Variants in DSTYK observed in about 807,000 individuals in gnomAD.
DSTYK encodes dual serine/threonine and tyrosine protein kinase, also known as RIP-homologous kinase.
DSTYK carries 34 observed loss-of-function variants against 98.7 expected under a neutral mutation model. The ratio of observed to expected loss-of-function variants is 0.34; its 90% CI spans 0.26 to 0.46. The LOEUF is 0.46. Among genes scored for constraint, DSTYK ranks in the 20% least tolerant of loss-of-function variants. The pLI is 1.00. For synonymous variants in DSTYK, 462 were observed against 457.3 expected (o/e 1.01, Z -0.13); for missense variants, 962 against 1,181.7 (o/e 0.81, Z 2.73).
rs548813385 is a variant in DSTYK at position 205,179,128 on chromosome 1, C to CA, written c.654+8289dup. 6.3e-3 allele frequency among the ~76,000 whole-genome samples: 766 copies of CA among 122,552 alleles called. 2 individuals carry two copies. The highest frequency in any genetic ancestry group is 7.6e-3 in the East Asian group (32 of 4,206). The allele number at this position is 122,552 out of a possible 152,430, so 80.4% of individuals were successfully genotyped here. A position where few individuals can be genotyped will look rare whatever the true frequency, so the allele number is the denominator to read the frequency against. ...TGAGCGACAAAGTGAGATACTGTCT[C>CA]AAAAAAAAAAAAAGACAGGAATTAT... is the stretch of plus-strand genomic sequence containing the variant. On this transcript the variant is annotated intron_variant, in intron 2 of 12. Coordinates refer to ENST00000367162, the MANE Select transcript of DSTYK (RefSeq NM_015375.3).
rs1337306925 is a variant in DSTYK, at chr1:205,162,182, G to T, written c.1672C>A (p.Pro558Thr). 2 of 1,614,190 alleles carry T rather than the reference G, an allele frequency of 1.2e-6. No individual in the cohort carries two copies. The highest frequency in any genetic ancestry group is 1.7e-6 in the Non-Finnish European group (2 of 1,180,014). The stretch of plus-strand genomic sequence containing the variant: ...CTCTTCCATTCCAGAGTGATGGCAG[G>T]TGGGCTCACCCATGTGATGCGCTGG... ...IIQRITWVSP[P>T]AITLEWKRKV... is the part of the protein sequence containing the mutation. Residue 558 changes from proline (P) to threonine (T), a missense_variant, in exon 6 of 13, where the codon CCT becomes ACT. Pro to Thr is a conservative substitution (Grantham distance 38). Coordinates refer to ENST00000367162, the MANE Select transcript of DSTYK (RefSeq NM_015375.3).
Position 205,169,192 on chromosome 1 carries a change from A to G in DSTYK, c.1295T>C (p.Leu432Pro). ...AAACTCCATGTTAGTAGCATCATCC[A>G]GAAGTTCCTCCTTCATGGTATTAAG... ...ETLNTMKEEL[L>P]DDATNMEFKD... Residue 432 changes from leucine to proline, a missense_variant, in exon 3 of 13, where the codon CTG becomes CCG. Leu to Pro is a moderately conservative substitution (Grantham distance 98). Transcript: ENST00000367162. The surrounding 1 kb of genome is among the most constrained non-coding windows in gnomAD (Gnocchi z 4.0). 6.2e-7 allele frequency: 1 copy of G among 1,607,696 alleles called. No homozygotes were observed. Among genetic ancestry groups the G allele is most frequent in the Non-Finnish European group, 8.5e-7 (1 of 1,176,516 alleles).
chr1:205,176,770 T>C (rs1479248548), intron 2 of DSTYK, among the ~76,000 whole-genome samples: 1 of 152,052 alleles, frequency 6.6e-6, no homozygotes, highest in African/African-American at 2.4e-5. Context: ...TGCCAAGAAG[T>C]AATCACTCAA....
chr1:205,188,122 T>C (rs1458818124), intron 1 of DSTYK, among the ~76,000 whole-genome samples: 1 of 152,106 alleles, frequency 6.6e-6, no homozygotes, highest in Non-Finnish European at 1.5e-5. Flanking sequence ...CTAAGGAGTT[T>C]ATAAGGACTC....
chr1:205,192,671 A>C (rs1312459280), intron 1 of DSTYK, among the ~76,000 whole-genome samples: 1 of 151,984 alleles, frequency 6.6e-6, no homozygotes, highest in Non-Finnish European at 1.5e-5. Flanking sequence ...AGACCAGCCT[A>C]GCCAATATGG....
intron 2 of DSTYK, among the ~76,000 whole-genome samples, chr1:205,183,117 T>C (rs536125219): frequency 1.0e-4 from 15 of 148,782 alleles, no homozygotes; most frequent in African/African-American, 3.7e-4. Context: ...TATATCAGAT[T>C]GAGCAACTCT....
At chr1:205,181,649 T>TGG (rs1658399415) in intron 2 of DSTYK, among the ~76,000 whole-genome samples, 1 of 127,470 alleles carries the variant, frequency 7.8e-6, no homozygotes, top group South Asian at 2.8e-4. Flanking sequence ...GCCACAGATG[T>TGG]TGGGGTTTGT....
chr1:205,207,755 C>CAAAAAAAAAAAAA (rs766036213), intron 1 of DSTYK, among the ~76,000 whole-genome samples: 6 of 52,728 alleles, frequency 1.1e-4, no homozygotes, highest in Non-Finnish European at 1.6e-4. Context: ...GACTCTGTCT[C>CAAAAAAAAAAAAA]AAAAAAAAAA....
At chr1:205,207,881 T>C (rs892488448) in intron 1 of DSTYK, among the ~76,000 whole-genome samples, 4 of 151,844 alleles carry the variant, frequency 2.6e-5, no homozygotes, top group African/African-American at 9.7e-5. Flanking sequence ...ATGTATTTAT[T>C]TATTTATTTT....
At chr1:205,170,110 C>CTT (rs1658015611) in intron 2 of DSTYK, among the ~76,000 whole-genome samples, 1 of 152,192 alleles carries the variant, frequency 6.6e-6, no homozygotes, top group African/African-American at 2.4e-5. Context: ...CTCTGCCTTC[C>CTT]TTTATTGCTT....
Position 205,150,060 on chromosome 1 carries a change from C to T in DSTYK, c.2467+620G>A, listed in dbSNP as rs543039806. ...TATCCATTGAATGGACATAAAAATA[C>T]ATCATCGTCACAGAATTAAACAAAA... On this transcript the variant is annotated intron_variant, in intron 11 of 12. Transcript: ENST00000367162. This position sits in a 1 kb window ranked among gnomAD's most constrained non-coding sequence, Gnocchi z 4.1. 1.3e-3 allele frequency among the ~76,000 whole-genome samples: 201 copies of T among 152,250 alleles called. 3 individuals are homozygous for T. The highest frequency in any genetic ancestry group is 4.6e-3 in the African/African-American group (193 of 41,548).
intron 2 of DSTYK, among the ~76,000 whole-genome samples, chr1:205,182,698 C>T (rs896126413): frequency 4.0e-5 from 6 of 151,258 alleles, no homozygotes; most frequent in South Asian, 4.2e-4. Flanking sequence ...CCCAGATACT[C>T]GGGAGGCTGA....
intron 9 of DSTYK, 41 bp downstream of exon 9, chr1:205,159,506 C>A: frequency 6.3e-7 from 1 of 1,584,570 alleles, no homozygotes; most frequent in Non-Finnish European, 8.6e-7. Flanking sequence ...AGAAAGGAAC[C>A]CGTGGATTTG....
chr1:205,180,444 C>A (rs1259392008), intron 2 of DSTYK, among the ~76,000 whole-genome samples: 1 of 152,100 alleles, frequency 6.6e-6, no homozygotes, highest in Non-Finnish European at 1.5e-5. Flanking sequence ...GACATGAACT[C>A]ATTCTTTTTT....
chr1:205,150,592 A>T lies in DSTYK; in HGVS notation c.2467+88T>A. The T allele has an allele frequency of 9.5e-7, 1 of 1,048,606 alleles. No individual in the cohort carries two copies. The highest frequency in any genetic ancestry group is 1.4e-6 in the Non-Finnish European group (1 of 690,922). The allele number at this position is 1,048,606 out of a possible 1,614,324, so 65.0% of individuals were successfully genotyped here. A position where few individuals can be genotyped will look rare whatever the true frequency, so the allele number is the denominator to read the frequency against. ...CCTTGCCTGTGCCAGACCTGCCAGT[A>T]GTGATTGTGGAAACGAGCTCAAGGG... is the stretch of plus-strand genomic sequence containing the variant. On this transcript the variant is annotated intron_variant, in intron 11 of 12. Coordinates refer to ENST00000367162, the MANE Select transcript of DSTYK (RefSeq NM_015375.3). The surrounding 1 kb of genome is among the most constrained non-coding windows in gnomAD (Gnocchi z 4.1).
intron 10 of DSTYK, among the ~76,000 whole-genome samples, chr1:205,153,354 T>C (rs1419958932): frequency 6.6e-6 from 1 of 152,172 alleles, no homozygotes; most frequent in African/African-American, 2.4e-5. Flanking sequence ...CACTTACCCA[T>C]CTCAGCCTTC....
At position 205,161,325 on chromosome 1, in the gene DSTYK, T is replaced by C. The variant is rs575455135; in HGVS notation, c.1881A>G (p.Lys627=). ...KTEDLWLRVR[K]DHAPRLARLS... ...GGCGGGCCAGGCGGGGAGCATGATC[T>C]TTCCGAACCCTCAGCCATAGATCTT... is the stretch of plus-strand genomic sequence containing the variant. The change falls in exon 7 of 13, where the codon AAA becomes AAG. Residue 627 remains lysine (K), a synonymous_variant. Transcript: ENST00000367162. 1.2e-6 allele frequency: 2 copies of C among 1,614,188 alleles called. No homozygotes were observed. The highest frequency in any genetic ancestry group is 2.7e-5 in the African/African-American group (2 of 75,062).
chr1:205,197,047 G>A (rs1394687999), intron 1 of DSTYK, among the ~76,000 whole-genome samples: 2 of 151,712 alleles, frequency 1.3e-5, no homozygotes, highest in South Asian at 4.1e-4. Context: ...TTACAGGCAT[G>A]AGCCACTGCG....
chr1:205,168,359 C>A (rs1657950398), intron 3 of DSTYK, among the ~76,000 whole-genome samples: 1 of 152,122 alleles, frequency 6.6e-6, no homozygotes, highest in Admixed American at 6.5e-5. Flanking sequence ...AAGCCTTAGT[C>A]CCTCATCTAG....
Sources: allele counts gnomAD v4.1 joint callset (sites outside exome capture counted in the v4.1 genomes callset), GRCh38; gene constraint gnomAD v4.1.1; non-coding constraint Gnocchi (gnomAD v3.1); transcripts MANE v1.5; gene names NCBI Gene and HGNC (gene_info 2026-07-23, HGNC 2026-07-21).